The following ELMO1 variants were observed in gnomAD, a reference collection of about 807,000 sequenced individuals.
ELMO1 encodes the protein engulfment and cell motility protein 1.
A neutral mutation model predicts 98.9 loss-of-function variants in ELMO1; 26 were observed. That is an observed-to-expected ratio of 0.26 (90% CI 0.19 to 0.36). The LOEUF (loss-of-function observed/expected upper bound fraction) is 0.36, where lower values mean the gene tolerates loss of function less well. ELMO1 is among the 10% of genes least tolerant of loss of function. The probability of loss-of-function intolerance (pLI) is 1.00; values close to 1 mark genes in which losing one functional copy is unlikely to be tolerated. For missense variants in ELMO1, 627 were observed against 935.2 expected, an observed-to-expected ratio of 0.67 and a Z score of 4.30; for synonymous variants, 346 against 346.0, an observed-to-expected ratio of 1.00 and a Z score of 0.00.
At chr7:37,146,760 G>A (rs564818909) in intron 13 of ELMO1, among the ~76,000 whole-genome samples, 1 of 152,278 alleles carries the variant, frequency 6.6e-6, no homozygotes, top group African/African-American at 2.4e-5. Flanking sequence ...CCTGACCTAA[G>A]AGAGAGACAT....
intron 21 of ELMO1, among the ~76,000 whole-genome samples, chr7:36,859,461 G>C (rs2129032090): frequency 6.6e-6 from 1 of 152,308 alleles, no homozygotes; most frequent in African/African-American, 2.4e-5. Context: ...AGGTGAACCA[G>C]ATTGGCCATG....
chr7:36,944,859 T>C (rs535982896), intron 16 of ELMO1, among the ~76,000 whole-genome samples: 1 of 152,298 alleles, frequency 6.6e-6, no homozygotes, highest in African/African-American at 2.4e-5. Context: ...ACCTTCTTAA[T>C]GTAGAATTAG....
At chr7:36,876,434 T>C (rs945779142) in intron 19 of ELMO1, among the ~76,000 whole-genome samples, 2 of 151,920 alleles carry the variant, frequency 1.3e-5, no homozygotes, top group East Asian at 3.9e-4. Context: ...GTTAGCAACA[T>C]GCTATTAATT....
chr7:37,033,019 C>T (rs1453397822), intron 15 of ELMO1, among the ~76,000 whole-genome samples: 2 of 152,010 alleles, frequency 1.3e-5, no homozygotes, highest in East Asian at 1.9e-4. Context: ...GCCAAAACGC[C>T]GAGAAGCGAT....
intron 1 of ELMO1, among the ~76,000 whole-genome samples, chr7:37,361,683 G>A (rs1338263012): frequency 6.6e-6 from 1 of 152,200 alleles, no homozygotes; most frequent in Admixed American, 6.5e-5. Context: ...TGTCATCCGG[G>A]CACAGTGGCT....
intron 14 of ELMO1, among the ~76,000 whole-genome samples, chr7:37,114,140 T>C (rs1436672525): frequency 6.6e-6 from 1 of 152,222 alleles, no homozygotes; most frequent in Non-Finnish European, 1.5e-5. Flanking sequence ...CTGGAGGTTG[T>C]AGGCAGATGA....
chr7:36,943,411 C>T (rs1429654249), intron 16 of ELMO1, among the ~76,000 whole-genome samples: 1 of 152,228 alleles, frequency 6.6e-6, no homozygotes, highest in East Asian at 1.9e-4. Context: ...AAAAGGGCCA[C>T]TGGCCTCTCC....
At chr7:37,230,069 A>G (rs1310497104) in intron 8 of ELMO1, among the ~76,000 whole-genome samples, 1 of 152,138 alleles carries the variant, frequency 6.6e-6, no homozygotes, top group East Asian at 1.9e-4. Context: ...TAAATACAGT[A>G]CTTTTTTTTC....
intron 2 of ELMO1, 119 bp from the exon 3 acceptor site, chr7:37,316,079 T>TA: frequency 1.2e-6 from 1 of 831,404 alleles, no homozygotes; most frequent in African/African-American, 1.7e-5. Flanking sequence ...TTGCTATTCT[T>TA]AGTTGTTGTC....
intron 15 of ELMO1, among the ~76,000 whole-genome samples, chr7:37,056,769 G>A (rs1796410560): frequency 6.6e-6 from 1 of 152,166 alleles, no homozygotes; most frequent in Non-Finnish European, 1.5e-5. Context: ...GAAATACAAT[G>A]ACATACTCAG....
intron 16 of ELMO1, among the ~76,000 whole-genome samples, chr7:36,918,534 C>T (rs1004274881): frequency 2.0e-5 from 3 of 152,136 alleles, no homozygotes; most frequent in African/African-American, 7.2e-5. Context: ...AGGCCCAATC[C>T]ACTCGTTCCC....
chr7:36,942,152 T>C (rs1787098038), intron 16 of ELMO1, among the ~76,000 whole-genome samples: 2 of 152,200 alleles, frequency 1.3e-5, no homozygotes, highest in Non-Finnish European at 2.9e-5. Flanking sequence ...CAAGGTACAA[T>C]AGTCCAAAGC....
intron 1 of ELMO1, among the ~76,000 whole-genome samples, chr7:37,371,370 A>G (rs1422627688): frequency 6.6e-6 from 1 of 152,196 alleles, no homozygotes; most frequent in Non-Finnish European, 1.5e-5. Flanking sequence ...TCATCTTATA[A>G]TTCTTCACTA....
chr7:36,905,069 T>C (rs1236067667), intron 16 of ELMO1, among the ~76,000 whole-genome samples: 1 of 152,188 alleles, frequency 6.6e-6, no homozygotes, highest in Non-Finnish European at 1.5e-5. Flanking sequence ...AGCAAGTCAG[T>C]TCCAAACATG....
intron 13 of ELMO1, among the ~76,000 whole-genome samples, chr7:37,185,994 C>T (rs1791180670): frequency 6.6e-6 from 1 of 152,198 alleles, no homozygotes. Flanking sequence ...AAATTCAAGA[C>T]ACCCTCCATA....
At chr7:37,415,917 T>C (rs937300172) in intron 1 of ELMO1, among the ~76,000 whole-genome samples, 5 of 152,222 alleles carry the variant, frequency 3.3e-5, no homozygotes, top group African/African-American at 1.2e-4. Flanking sequence ...AGCTTCAACA[T>C]GTCTTAGAAC....
chr7:36,930,134 G>A (rs900029486), intron 16 of ELMO1, among the ~76,000 whole-genome samples: 20 of 152,196 alleles, frequency 1.3e-4, no homozygotes, highest in African/African-American at 4.8e-4. Context: ...CAACTGAACT[G>A]ACTACCCTGG....
At chr7:37,027,684 T>C (rs74975525) in intron 15 of ELMO1, among the ~76,000 whole-genome samples, 1 of 152,164 alleles carries the variant, frequency 6.6e-6, no homozygotes, top group Non-Finnish European at 1.5e-5. Flanking sequence ...CATAGCTCTT[T>C]GCTACCCAAG....
At chr7:37,171,343 C>T (rs1430426971) in intron 13 of ELMO1, among the ~76,000 whole-genome samples, 1 of 151,902 alleles carries the variant, frequency 6.6e-6, no homozygotes, top group Non-Finnish European at 1.5e-5. Flanking sequence ...TGTGTATCTA[C>T]CAATCAGTGG....
Sources: allele counts gnomAD v4.1 joint callset (sites outside exome capture counted in the v4.1 genomes callset), GRCh38; gene constraint gnomAD v4.1.1; transcripts MANE v1.5; gene names NCBI Gene and HGNC (gene_info 2026-07-23, HGNC 2026-07-21).